Variants in EXOC6B observed in about 807,000 individuals in gnomAD.
The protein encoded by EXOC6B is SEC15 homolog B.
Under a neutral mutation model 113.5 loss-of-function variants are expected in EXOC6B, and 54 were observed. That is an observed-to-expected ratio of 0.48 (90% CI 0.38 to 0.60). EXOC6B has a LOEUF of 0.60. Among genes scored for constraint, EXOC6B ranks in the 20% least tolerant of loss-of-function variants. The probability of loss-of-function intolerance (pLI) is 0.00; values close to 1 mark genes in which losing one functional copy is unlikely to be tolerated. For missense variants in EXOC6B, 797 were observed against 977.5 expected, an observed-to-expected ratio of 0.82 and a Z score of 2.46; for synonymous variants, 357 against 339.0, an observed-to-expected ratio of 1.05 and a Z score of -0.58.
chr2:72,573,373 C>A (rs1423890058), intron 7 of EXOC6B, among the ~76,000 whole-genome samples: 1 of 152,112 alleles, frequency 6.6e-6, no homozygotes, highest in Non-Finnish European at 1.5e-5. Flanking sequence ...GAGACTGATG[C>A]GTTATTGTGC....
chr2:72,548,120 C>G (rs1287102920), intron 8 of EXOC6B, among the ~76,000 whole-genome samples: 2 of 152,102 alleles, frequency 1.3e-5, no homozygotes, highest in East Asian at 3.9e-4. Flanking sequence ...CTTCCCTCCC[C>G]TCCCCCTGCC....
In EXOC6B at chr2:72,233,975, G is replaced by C. The variant is rs186497794; in HGVS notation, c.2197-49788C>G. Among the ~76,000 whole-genome samples, 6 of 152,008 alleles carry C rather than the reference G, an allele frequency of 3.9e-5. No individual in the cohort carries two copies. In the East Asian group the frequency reaches 1.2e-3, roughly 30 times the overall value. On this transcript the variant is annotated intron_variant, in intron 20 of 21. Transcript: ENST00000272427. Reference sequence around the variant, plus strand: ...CCAGGAAGCACTCGGATGGTAAGGCGTGTGCCCCATCCACCGGACACTGGT... The same window carrying C: ...CCAGGAAGCACTCGGATGGTAAGGCCTGTGCCCCATCCACCGGACACTGGT...
chr2:72,699,333 G>A (rs867501846), intron 6 of EXOC6B, among the ~76,000 whole-genome samples: 1 of 152,110 alleles, frequency 6.6e-6, no homozygotes, highest in Non-Finnish European at 1.5e-5. Context: ...CGAAAAATTA[G>A]CTGGGCATGG....
intron 1 of EXOC6B, among the ~76,000 whole-genome samples, chr2:72,767,532 A>C (rs983076878): frequency 1.3e-5 from 2 of 151,786 alleles, no homozygotes; most frequent in African/African-American, 4.8e-5. Context: ...GAACTGGGCC[A>C]GGCACAGTGG....
rs764461453 is a variant in EXOC6B at position 72,718,111 on chromosome 2, T to C, written c.661A>G (p.Met221Val). The change falls in exon 6 of 22, where the codon ATG (methionine) becomes GTG (valine). Residue 221 changes from methionine (M) to valine (V), a missense_variant. Transcript: ENST00000272427. ...ATAAACCCAAGACCTACTTGCTTCA[T>C]GGCAGTCTCTCCAATTTTGTCTGAA... ...KHSDKIGETA[M>V]KQAQQQRNLD... 1.1e-5 allele frequency: 17 copies of C among 1,608,770 alleles called. No homozygotes were observed. The highest frequency in any genetic ancestry group is 3.3e-4 in the Middle Eastern group (2 of 6,036).
intron 18 of EXOC6B, among the ~76,000 whole-genome samples, chr2:72,446,459 C>T (rs1022454304): frequency 6.6e-6 from 1 of 151,904 alleles, no homozygotes; most frequent in African/African-American, 2.4e-5. Context: ...AAAAGAATAT[C>T]ATGTCTTTTA....
At chr2:72,594,309 C>T (rs527515975) in intron 6 of EXOC6B, among the ~76,000 whole-genome samples, 8 of 152,210 alleles carry the variant, frequency 5.3e-5, no homozygotes, top group Admixed American at 5.2e-4. Context: ...GGAAGAAATA[C>T]ATATCAATGC....
intron 16 of EXOC6B, among the ~76,000 whole-genome samples, chr2:72,491,384 T>C (rs1232827600): frequency 6.6e-6 from 1 of 152,110 alleles, no homozygotes; most frequent in Non-Finnish European, 1.5e-5. Context: ...TATAGGTCAG[T>C]ATCATTAACC....
intron 1 of EXOC6B, among the ~76,000 whole-genome samples, chr2:72,768,568 G>C (rs1663939278): frequency 6.7e-6 from 1 of 149,624 alleles, no homozygotes; most frequent in African/African-American, 2.5e-5. Flanking sequence ...GCCTCCCAAA[G>C]TGCTGGGATT....
chr2:72,428,888 T>C (rs1695364194), intron 18 of EXOC6B, among the ~76,000 whole-genome samples: 1 of 152,224 alleles, frequency 6.6e-6, no homozygotes, highest in Non-Finnish European at 1.5e-5. Context: ...ATCAGCTCAA[T>C]CAGTCATCTT....
At chr2:72,496,948 C>CATTATTATTATTATT (rs57708306) in intron 13 of EXOC6B, among the ~76,000 whole-genome samples, 8 of 137,838 alleles carry the variant, frequency 5.8e-5, no homozygotes, top group Non-Finnish European at 7.7e-5. Context: ...TATAAATGTA[C>CATTATTATTATTATT]ATTATTATTA....
At chr2:72,661,334 A>T (rs1034399706) in intron 6 of EXOC6B, among the ~76,000 whole-genome samples, 2 of 151,760 alleles carry the variant, frequency 1.3e-5, no homozygotes, top group African/African-American at 4.8e-5. Context: ...ACTCACAGAT[A>T]ACGTAATTAT....
At chr2:72,757,829 T>C (rs1682515721) in intron 1 of EXOC6B, among the ~76,000 whole-genome samples, 1 of 152,106 alleles carries the variant, frequency 6.6e-6, no homozygotes, top group Non-Finnish European at 1.5e-5. Context: ...TATTCTAACT[T>C]CCTCTTGTAA....
intron 6 of EXOC6B, among the ~76,000 whole-genome samples, chr2:72,704,525 TAATG>T (rs1396806456): frequency 6.6e-6 from 1 of 150,670 alleles, no homozygotes; most frequent in African/African-American, 2.4e-5. Context: ...TTCAAAAAAT[TAATG>T]AATCCAGGAG....
chr2:72,550,186 C>T (rs1573373437), intron 8 of EXOC6B, among the ~76,000 whole-genome samples: 1 of 151,846 alleles, frequency 6.6e-6, no homozygotes, highest in Admixed American at 6.6e-5. Flanking sequence ...AAATTACAAA[C>T]ATTTATATTA....
At chr2:72,459,128 A>T (rs1573168326) in intron 18 of EXOC6B, among the ~76,000 whole-genome samples, 1 of 152,228 alleles carries the variant, frequency 6.6e-6, no homozygotes, top group Non-Finnish European at 1.5e-5. Flanking sequence ...CAATAGAGGC[A>T]GAAAAGGCCT....
intron 18 of EXOC6B, among the ~76,000 whole-genome samples, chr2:72,460,920 G>A (rs1054219731): frequency 6.6e-6 from 1 of 151,356 alleles, no homozygotes; most frequent in Non-Finnish European, 1.5e-5. Flanking sequence ...TATGTTTATT[G>A]CGGCACTATT....
intron 8 of EXOC6B, among the ~76,000 whole-genome samples, chr2:72,517,964 C>A (rs1001464338): frequency 8.5e-5 from 13 of 152,142 alleles, no homozygotes; most frequent in Non-Finnish European, 1.6e-4. Context: ...TCTGGCTTCC[C>A]ATTTACAAAA....
intron 20 of EXOC6B, among the ~76,000 whole-genome samples, chr2:72,246,652 C>T (rs998485824): frequency 6.6e-6 from 1 of 151,782 alleles, no homozygotes; most frequent in African/African-American, 2.4e-5. Flanking sequence ...GGACTACAGG[C>T]GCCCACCACC....
Sources: gnomAD v4.1 joint callset for allele counts (sites outside exome capture counted in the v4.1 genomes callset) on GRCh38, gnomAD v4.1.1 for gene constraint, MANE v1.5 for transcripts, NCBI Gene and HGNC (gene_info 2026-07-23, HGNC 2026-07-21) for gene names.